Variants in CSMD1 observed in about 807,000 individuals in gnomAD.
The protein encoded by CSMD1 is CUB and Sushi multiple domains 1.
CSMD1 carries 213 observed loss-of-function variants against 417.5 expected under a neutral mutation model. That is an observed-to-expected ratio of 0.51 (90% CI 0.46 to 0.57). The LOEUF (loss-of-function observed/expected upper bound fraction) is 0.57, where lower values mean the gene tolerates loss of function less well. Among genes scored for constraint, CSMD1 ranks in the 20% least tolerant of loss-of-function variants. The probability of loss-of-function intolerance (pLI) is 0.00; values close to 1 mark genes in which losing one functional copy is unlikely to be tolerated. For missense variants in CSMD1, 6,923 were observed against 4,529.7 expected (o/e 1.53, Z -15.17); for synonymous variants, 2,862 against 1,736.8 (o/e 1.65, Z -16.11).
intron 8 of CSMD1, among the ~76,000 whole-genome samples, chr8:3,603,619 A>G (rs1801467577): frequency 1.3e-5 from 2 of 152,348 alleles, no homozygotes; most frequent in African/African-American, 4.8e-5. Flanking sequence ...CATGGAATGG[A>G]AACGGATTAT....
intron 7 of CSMD1, among the ~76,000 whole-genome samples, chr8:3,662,858 G>A (rs926872056): frequency 1.3e-5 from 2 of 151,890 alleles, no homozygotes; most frequent in Non-Finnish European, 2.9e-5. Context: ...GGAAAGAGGG[G>A]GGAGAGCATT....
At chr8:3,840,358 G>C (rs114773611) in intron 5 of CSMD1, among the ~76,000 whole-genome samples, 1 of 152,254 alleles carries the variant, frequency 6.6e-6, no homozygotes, top group African/African-American at 2.4e-5. Flanking sequence ...GAAAACTCTA[G>C]TGCACAAATA....
chr8:3,208,244 A>G (rs1053779042), intron 30 of CSMD1, among the ~76,000 whole-genome samples: 62 of 152,292 alleles, frequency 4.1e-4, no homozygotes, highest in African/African-American at 1.5e-3. Flanking sequence ...CAAAATTTTG[A>G]TTCCCAAATT....
chr8:3,134,482 G>A (rs1817968628), intron 41 of CSMD1, among the ~76,000 whole-genome samples: 1 of 152,230 alleles, frequency 6.6e-6, no homozygotes, highest in African/African-American at 2.4e-5. Flanking sequence ...GAGAGGAGCA[G>A]GCAGATCTGT....
rs530957314 is a variant in CSMD1, at chr8:4,115,526, C to A, written c.416-83427G>T. ...AATTATCTTGAAAAAACGTAGGATT[C>A]TTTCACTTTTGTCAGCTAATTCATA... On this transcript the variant is annotated intron_variant, in intron 3 of 69. Coordinates refer to ENST00000635120, the MANE Select transcript of CSMD1 (RefSeq NM_033225.6). 5.9e-5 allele frequency among the ~76,000 whole-genome samples: 9 copies of A among 152,204 alleles called. No individual in the cohort carries two copies. In the East Asian group the frequency reaches 1.2e-3, roughly 20 times the overall value.
At chr8:3,489,992 T>G (rs1462906312) in intron 11 of CSMD1, among the ~76,000 whole-genome samples, 1 of 152,224 alleles carries the variant, frequency 6.6e-6, no homozygotes, top group Non-Finnish European at 1.5e-5. Flanking sequence ...TATCTGTCAT[T>G]TCTCCAATTA....
chr8:3,234,803 C>T (rs1265370040), intron 26 of CSMD1, among the ~76,000 whole-genome samples: 2 of 152,206 alleles, frequency 1.3e-5, no homozygotes, highest in Non-Finnish European at 2.9e-5. Flanking sequence ...AGGCAATTGG[C>T]CATCATCTTG....
intron 2 of CSMD1, among the ~76,000 whole-genome samples, chr8:4,502,653 T>C (rs879288701): frequency 6.6e-6 from 1 of 152,204 alleles, no homozygotes; most frequent in Admixed American, 6.5e-5. Flanking sequence ...TATTAATTTT[T>C]AACTATAGCA....
chr8:4,163,435 C>A (rs920898875), intron 3 of CSMD1, among the ~76,000 whole-genome samples: 1 of 152,028 alleles, frequency 6.6e-6, no homozygotes, highest in African/African-American at 2.4e-5. Flanking sequence ...TTTCTTTTTT[C>A]TTGTTTTTAC....
chr8:4,966,956 T>C (rs1809907149), intron 1 of CSMD1, among the ~76,000 whole-genome samples: 1 of 152,204 alleles, frequency 6.6e-6, no homozygotes, highest in Non-Finnish European at 1.5e-5. Context: ...AGAGAACGTT[T>C]GCTTTTTACA....
intron 3 of CSMD1, among the ~76,000 whole-genome samples, chr8:4,246,580 A>G (rs1802723966): frequency 6.6e-6 from 1 of 152,130 alleles, no homozygotes; most frequent in African/African-American, 2.4e-5. Context: ...ATTATTTGCA[A>G]TTCTCCTGTA....
At chr8:3,011,462 G>C (rs1808375578) in intron 52 of CSMD1, among the ~76,000 whole-genome samples, 1 of 151,000 alleles carries the variant, frequency 6.6e-6, no homozygotes, top group Admixed American at 6.6e-5. Flanking sequence ...ATTTAAACTT[G>C]ACTATCTAAG....
chr8:3,669,562 G>A (rs185471949), intron 7 of CSMD1, among the ~76,000 whole-genome samples: 1 of 152,172 alleles, frequency 6.6e-6, no homozygotes, highest in Admixed American at 6.5e-5. Context: ...CAGAAGGAGG[G>A]GAATGTAGCC....
chr8:3,615,234 C>A (rs1802077404), intron 8 of CSMD1, among the ~76,000 whole-genome samples: 2 of 152,048 alleles, frequency 1.3e-5, no homozygotes, highest in African/African-American at 4.8e-5. Flanking sequence ...CATTTATTGA[C>A]AGACAGCAAA....
At chr8:3,205,459 G>C (rs139961389) in intron 31 of CSMD1, 45 bp downstream of exon 31, 3 of 978,388 alleles carry the variant, frequency 3.1e-6, no homozygotes, top group Admixed American at 4.9e-5. Flanking sequence ...AATTAACACT[G>C]AAAGGAAATA....
At chr8:3,785,878 T>C (rs548062055) in intron 5 of CSMD1, among the ~76,000 whole-genome samples, 16 of 152,366 alleles carry the variant, frequency 1.1e-4, no homozygotes, top group Middle Eastern at 3.4e-3. Context: ...GGATATGTCA[T>C]GTTTGTGTCT....
chr8:3,946,872 T>G (rs2980780), intron 5 of CSMD1, among the ~76,000 whole-genome samples: 58,977 of 152,000 alleles, frequency 0.39, 11,631 homozygotes, highest in South Asian at 0.47. Context: ...GCTCATTGCT[T>G]GTATCGATTT....
intron 1 of CSMD1, among the ~76,000 whole-genome samples, chr8:4,775,806 C>T (rs1452327753): frequency 1.3e-5 from 2 of 152,070 alleles, no homozygotes; most frequent in African/African-American, 2.4e-5. Flanking sequence ...TCCTCTTAGG[C>T]ATTAAAACCA....
chr8:3,442,726 C>A (rs1228212506), intron 12 of CSMD1, among the ~76,000 whole-genome samples: 2 of 152,118 alleles, frequency 1.3e-5, no homozygotes, highest in Non-Finnish European at 2.9e-5. Context: ...ACTGCATATG[C>A]ATGTATATAT....
Sources: allele counts gnomAD v4.1 joint callset (sites outside exome capture counted in the v4.1 genomes callset), GRCh38; gene constraint gnomAD v4.1.1; transcripts MANE v1.5; gene names NCBI Gene and HGNC (gene_info 2026-07-23, HGNC 2026-07-21).